ST6GALNAC5: variants seen among roughly 807,000 people sequenced by gnomAD.
The protein encoded by ST6GALNAC5 is ST6 N-acetylgalactosaminide alpha-2,6-sialyltransferase 5.
Under a neutral mutation model 33.6 loss-of-function variants are expected in ST6GALNAC5, and 27 were observed. The ratio of observed to expected loss-of-function variants is 0.80; its 90% CI spans 0.59 to 1.11. ST6GALNAC5 has a LOEUF of 1.11. Among genes scored for constraint, ST6GALNAC5 ranks in the 50% least tolerant of loss-of-function variants. The probability of loss-of-function intolerance (pLI) is 0.00; values close to 1 mark genes in which losing one functional copy is unlikely to be tolerated. For synonymous variants in ST6GALNAC5, 194 were observed against 171.2 expected, an observed-to-expected ratio of 1.13 and a Z score of -1.04; for missense variants, 428 against 454.0, an observed-to-expected ratio of 0.94 and a Z score of 0.52.
intron 2 of ST6GALNAC5, among the ~76,000 whole-genome samples, chr1:76,901,642 G>A (rs1244857277): frequency 6.6e-6 from 1 of 152,136 alleles, no homozygotes; most frequent in Non-Finnish European, 1.5e-5. Context: ...TTTTGTGCTA[G>A]CTATGAGTGA....
At chr1:76,941,951 T>C (rs1175737233) in intron 2 of ST6GALNAC5, among the ~76,000 whole-genome samples, 2 of 152,142 alleles carry the variant, frequency 1.3e-5, no homozygotes, top group East Asian at 1.9e-4. Context: ...GGACAGTGTC[T>C]CTCAGAGTCA....
Position 77,022,762 on chromosome 1 carries a change from C to T in ST6GALNAC5, c.262-21442C>T, listed in dbSNP as rs1651100126. ...GAGATTTCATTCCCAATTTTGTTCT[C>T]ACCTCTGAAAATGGGATACTTTTTT... On this transcript the variant is annotated intron_variant, in intron 2 of 4. Coordinates refer to ENST00000477717, the MANE Select transcript of ST6GALNAC5 (RefSeq NM_030965.3). Among the ~76,000 whole-genome samples the T allele has an allele frequency of 3.9e-5, 6 of 152,312 alleles. No homozygotes were observed. The South Asian group carries it at 1.2e-3, about 32-fold the overall frequency.
At chr1:77,059,541 T>C (rs1652508242) in intron 4 of ST6GALNAC5, among the ~76,000 whole-genome samples, 1 of 152,226 alleles carries the variant, frequency 6.6e-6, no homozygotes, top group African/African-American at 2.4e-5. Context: ...GTGATGTCCA[T>C]ACGTCTTATT....
chr1:77,037,125 T>C (rs1298306498), intron 2 of ST6GALNAC5, among the ~76,000 whole-genome samples: 1 of 152,102 alleles, frequency 6.6e-6, no homozygotes, highest in African/African-American at 2.4e-5. Context: ...AGGATGATGC[T>C]GAAAGGATAC....
intron 2 of ST6GALNAC5, among the ~76,000 whole-genome samples, chr1:77,029,160 C>T (rs1651357469): frequency 6.6e-6 from 1 of 152,112 alleles, no homozygotes; most frequent in South Asian, 2.1e-4. Flanking sequence ...ATGATCAGAA[C>T]TGTATTTTAG....
intron 2 of ST6GALNAC5, among the ~76,000 whole-genome samples, chr1:76,977,206 T>C (rs1248447386): frequency 6.6e-6 from 1 of 152,224 alleles, no homozygotes; most frequent in Admixed American, 6.5e-5. Flanking sequence ...AATAATTGTA[T>C]ATATTTATAG....
chr1:77,012,440 G>A (rs1281923114), intron 2 of ST6GALNAC5, among the ~76,000 whole-genome samples: 1 of 152,156 alleles, frequency 6.6e-6, no homozygotes, highest in East Asian at 1.9e-4. Context: ...ACCCAACCTG[G>A]GAGTGGGAGG....
intron 2 of ST6GALNAC5, among the ~76,000 whole-genome samples, chr1:76,937,974 T>C (rs1306483532): frequency 6.6e-6 from 1 of 151,918 alleles, no homozygotes; most frequent in Non-Finnish European, 1.5e-5. Flanking sequence ...CAGGCCCTTG[T>C]GTAGGGAAGA....
At chr1:76,904,822 C>CAA (rs547849456) in intron 2 of ST6GALNAC5, among the ~76,000 whole-genome samples, 2 of 134,964 alleles carry the variant, frequency 1.5e-5, no homozygotes, top group Admixed American at 7.4e-5. Context: ...GAGACTGTCT[C>CAA]AAAAAAAAAA....
intron 2 of ST6GALNAC5, among the ~76,000 whole-genome samples, chr1:76,976,021 G>C (rs369849050): frequency 6.6e-6 from 1 of 152,146 alleles, no homozygotes; most frequent in Non-Finnish European, 1.5e-5. Flanking sequence ...CTTGAAACCC[G>C]GAGGTGGAGA....
chr1:76,954,295 T>C (rs1179673565), intron 2 of ST6GALNAC5, among the ~76,000 whole-genome samples: 1 of 152,072 alleles, frequency 6.6e-6, no homozygotes, highest in East Asian at 1.9e-4. Context: ...ACCAAACACT[T>C]CATGTCCTCA....
intron 2 of ST6GALNAC5, among the ~76,000 whole-genome samples, chr1:77,026,451 A>G (rs368242794): frequency 6.6e-6 from 1 of 152,148 alleles, no homozygotes; most frequent in Non-Finnish European, 1.5e-5. Flanking sequence ...GGACTGATTC[A>G]TCTCAGGGGC....
At position 77,056,143 on chromosome 1, in the gene ST6GALNAC5, A is replaced by T. The variant is rs568258770; in HGVS notation, c.779+5778A>T. Among the ~76,000 whole-genome samples the T allele has an allele frequency of 5.9e-5, 9 of 152,310 alleles. No homozygotes were observed. In the South Asian group the frequency reaches 1.9e-3, roughly 32 times the overall value. ...AAGTTGAGAAAGCTGGAGAAAATTAATGCCATGTTGCACCAGAAACAGCAT... is the reference window on the plus strand; with the variant it reads ...AAGTTGAGAAAGCTGGAGAAAATTATTGCCATGTTGCACCAGAAACAGCAT... On this transcript the variant is annotated intron_variant, in intron 4 of 4. Coordinates refer to ENST00000477717, the MANE Select transcript of ST6GALNAC5 (RefSeq NM_030965.3).
chr1:76,868,608 C>G lies in ST6GALNAC5; in HGVS notation c.127C>G (p.Gln43Glu), dbSNP rs1048467516. The change falls in exon 2 of 5, where the codon CAG becomes GAG. Residue 43 changes from glutamine (Q) to glutamate (E), a missense_variant. Physicochemically the swap from Gln to Glu is conservative, Grantham distance 29 (BLOSUM62 2). Transcript: ENST00000477717. The surrounding 1 kb of genome is among the most constrained non-coding windows in gnomAD (Gnocchi z 4.3). ...GCGGCCCCCGCAGCAGCAGCAGCAG[C>G]AGCAGCAACAGCAGCAGCAGGCGTC... ...KERPPQQQQQ[Q>E]QQQQQQASAT... 1 of 1,591,874 alleles carries G rather than the reference C, an allele frequency of 6.3e-7. No homozygotes were observed. Among genetic ancestry groups the G allele is most frequent in the African/African-American group, 1.7e-5 (1 of 60,550 alleles).
At chr1:77,039,891 G>A (rs992824276) in intron 2 of ST6GALNAC5, among the ~76,000 whole-genome samples, 2 of 152,180 alleles carry the variant, frequency 1.3e-5, no homozygotes, top group African/African-American at 2.4e-5. Context: ...CAGGCCGACG[G>A]GCAGAGATTC....
chr1:76,915,909 G>GAAAACA (rs1553166191), intron 2 of ST6GALNAC5, among the ~76,000 whole-genome samples: 6 of 149,452 alleles, frequency 4.0e-5, no homozygotes, highest in Non-Finnish European at 8.9e-5. Flanking sequence ...AACTTCCTTG[G>GAAAACA]ATAATAATAA....
intron 2 of ST6GALNAC5, among the ~76,000 whole-genome samples, chr1:77,010,736 G>A (rs991549651): frequency 6.6e-6 from 1 of 152,132 alleles, no homozygotes; most frequent in African/African-American, 2.4e-5. Context: ...CCAACACTCT[G>A]GACTAAACAC....
intron 2 of ST6GALNAC5, among the ~76,000 whole-genome samples, chr1:77,007,862 G>C (rs554241189): frequency 6.6e-6 from 1 of 152,330 alleles, no homozygotes; most frequent in South Asian, 2.1e-4. Flanking sequence ...TTTCTGCAAG[G>C]CTTTGTGGCT....
intron 2 of ST6GALNAC5, among the ~76,000 whole-genome samples, chr1:76,999,296 C>A (rs1214306399): frequency 6.6e-6 from 1 of 152,114 alleles, no homozygotes; most frequent in Non-Finnish European, 1.5e-5. Context: ...TGTAACTTTT[C>A]CAGATATTTC....
Sources: gnomAD v4.1 joint callset for allele counts (sites outside exome capture counted in the v4.1 genomes callset) on GRCh38, gnomAD v4.1.1 for gene constraint, Gnocchi (gnomAD v3.1) non-coding constraint, MANE v1.5 for transcripts, NCBI Gene and HGNC (gene_info 2026-07-23, HGNC 2026-07-21) for gene names.